The following C10orf90 variants were observed in gnomAD, a reference collection of about 807,000 sequenced individuals.
C10orf90 encodes (E2-independent) E3 ubiquitin-conjugating enzyme FATS.
C10orf90 carries 56 observed loss-of-function variants against 62.5 expected under a neutral mutation model. The observed-to-expected ratio is 0.90, with a 90% confidence interval of 0.72 to 1.12. C10orf90 has a LOEUF of 1.12. Among genes scored for constraint, C10orf90 ranks in the 50% most tolerant of loss-of-function variants. The pLI is 0.00. For missense variants in C10orf90, 970 were observed against 880.4 expected (o/e 1.10, Z -1.29); for synonymous variants, 386 against 340.4 (o/e 1.13, Z -1.47).
rs182189281 is a variant in C10orf90 at position 126,539,177 on chromosome 10, G to A, written c.314-25238C>T. Among the ~76,000 whole-genome samples the A allele has an allele frequency of 4.7e-3, 718 of 152,288 alleles. 5 individuals carry two copies. Among genetic ancestry groups the A allele is most frequent in the African/African-American group, 0.017 (698 of 41,562 alleles). Reference sequence around the variant, plus strand: ...AGTGGCAGATCAGGAGACTTCAGAAGGAATTTTTCACTTTTGGAATGCGCA... The same window carrying A: ...AGTGGCAGATCAGGAGACTTCAGAAAGAATTTTTCACTTTTGGAATGCGCA... On this transcript the variant is annotated intron_variant, in intron 2 of 9. Transcript: ENST00000488181.
chr10:126,530,238 C>A, intron 2 of C10orf90, among the ~76,000 whole-genome samples: 1 of 149,910 alleles, frequency 6.7e-6, no homozygotes, highest in Non-Finnish European at 1.5e-5. Context: ...AAAAGCAAAC[C>A]AAAATAAGAA....
intron 2 of C10orf90, among the ~76,000 whole-genome samples, chr10:126,582,647 G>A (rs1197721385): frequency 1.3e-5 from 2 of 152,068 alleles, no homozygotes; most frequent in East Asian, 1.9e-4. Flanking sequence ...ATGTAAATAC[G>A]AAAATGGATG....
intron 2 of C10orf90, among the ~76,000 whole-genome samples, chr10:126,598,316 G>C (rs1845126886): frequency 1.3e-5 from 2 of 152,292 alleles, no homozygotes; most frequent in South Asian, 4.1e-4. Context: ...CCTAAGCAAT[G>C]TGTTACAAAC....
chr10:126,566,266 C>T (rs1844386905), intron 2 of C10orf90, among the ~76,000 whole-genome samples: 1 of 152,126 alleles, frequency 6.6e-6, no homozygotes, highest in Non-Finnish European at 1.5e-5. Flanking sequence ...GACAGTAAGC[C>T]AACACGTGAT....
rs59981740 is a variant in C10orf90 at position 126,438,070 on chromosome 10, G to T, written c.2189-8220C>A. Among the ~76,000 whole-genome samples, 627 of 152,288 alleles carry T rather than the reference G, an allele frequency of 4.1e-3. 4 individuals are homozygous for T. The highest frequency in any genetic ancestry group is 0.015 in the African/African-American group (605 of 41,578). ...CTTTTTCCAGATGACTTTGTGCTGGGCACCAAGTGGCATTGTTACAGATGC... is the reference window on the plus strand; with the variant it reads ...CTTTTTCCAGATGACTTTGTGCTGGTCACCAAGTGGCATTGTTACAGATGC... On this transcript the variant is annotated intron_variant, in intron 7 of 9. Transcript: ENST00000488181.
At chr10:126,647,722 G>A (rs1227724603) in intron 1 of C10orf90, among the ~76,000 whole-genome samples, 1 of 152,204 alleles carries the variant, frequency 6.6e-6, no homozygotes, top group Non-Finnish European at 1.5e-5. Flanking sequence ...GAAAATTATT[G>A]AGACTTCACA....
rs372232875 is a variant in C10orf90 at position 126,544,318 on chromosome 10, C to T, written c.314-30379G>A. Reference sequence around the variant, plus strand: ...TATCTGCTGTACCCTTTGGGTCCTACCAAGCCCAGCATTACATGGGAGGTG... The same window carrying T: ...TATCTGCTGTACCCTTTGGGTCCTATCAAGCCCAGCATTACATGGGAGGTG... On this transcript the variant is annotated intron_variant, in intron 2 of 9. Coordinates refer to ENST00000488181, the MANE Select transcript of C10orf90 (RefSeq NM_001350921.2). Among the ~76,000 whole-genome samples, 12 of 152,274 alleles carry T rather than the reference C, an allele frequency of 7.9e-5. No homozygotes were observed. In the East Asian group the frequency reaches 2.1e-3, roughly 27 times the overall value.
intron 4 of C10orf90, among the ~76,000 whole-genome samples, chr10:126,470,899 G>T (rs1049395742): frequency 6.6e-6 from 1 of 152,022 alleles, no homozygotes; most frequent in South Asian, 2.1e-4. Context: ...TTCAACTTTT[G>T]TCTGCAGGTT....
chr10:126,455,428 T>A (rs1859486509), intron 7 of C10orf90, among the ~76,000 whole-genome samples: 1 of 152,162 alleles, frequency 6.6e-6, no homozygotes, highest in Non-Finnish European at 1.5e-5. Context: ...GGCAAACTCC[T>A]TTCATGGCAC....
chr10:126,443,886 T>C lies in C10orf90; in HGVS notation c.2189-14036A>G, dbSNP rs553063697. ...GGTTTAACATACACAAGTCAATAAA[T>C]ATAATACACCACCTAAACAGAATTA... On this transcript the variant is annotated intron_variant, in intron 7 of 9. Transcript: ENST00000488181. Among the ~76,000 whole-genome samples the C allele has an allele frequency of 2.6e-5, 4 of 152,152 alleles. No individual in the cohort carries two copies. The South Asian group carries it at 6.2e-4, about 24-fold the overall frequency.
intron 2 of C10orf90, among the ~76,000 whole-genome samples, chr10:126,642,395 G>A (rs964671239): frequency 3.3e-5 from 5 of 152,106 alleles, no homozygotes; most frequent in South Asian, 2.1e-4. Context: ...AGCCGGGCGT[G>A]GTGGCGGGCG....
At chr10:126,542,751 T>G (rs908385604) in intron 2 of C10orf90, among the ~76,000 whole-genome samples, 1 of 152,052 alleles carries the variant, frequency 6.6e-6, no homozygotes, top group Non-Finnish European at 1.5e-5. Flanking sequence ...TGTGGGAAGG[T>G]GGGTTCTTCC....
chr10:126,488,247 A>C (rs1861542903), intron 4 of C10orf90, among the ~76,000 whole-genome samples: 1 of 152,158 alleles, frequency 6.6e-6, no homozygotes, highest in African/African-American at 2.4e-5. Context: ...AGTAATCAGC[A>C]TCTTGCCCTA....
rs1859607801 is a variant in C10orf90 at position 126,456,729 on chromosome 10, G to A, written c.2188+2311C>T. ...ATGACTGCTGTCTTTATGAGAAAAG[G>A]AAATTTGAACATAGAGACACAGACG... On this transcript the variant is annotated intron_variant, in intron 7 of 9. Coordinates refer to ENST00000488181, the MANE Select transcript of C10orf90 (RefSeq NM_001350921.2). This position sits in a 1 kb window ranked among gnomAD's most constrained non-coding sequence, Gnocchi z 4.9. Among the ~76,000 whole-genome samples, 1 of 152,258 alleles carries A rather than the reference G, an allele frequency of 6.6e-6. No individual in the cohort carries two copies. Among genetic ancestry groups the A allele is most frequent in the African/African-American group, 2.4e-5 (1 of 41,558 alleles).
At chr10:126,596,234 T>C (rs1371448567) in intron 2 of C10orf90, among the ~76,000 whole-genome samples, 1 of 150,740 alleles carries the variant, frequency 6.6e-6, no homozygotes, top group Admixed American at 6.6e-5. Flanking sequence ...GCCCTGGAGG[T>C]CAAGGCTACA....
At chr10:126,572,165 T>G (rs1844519927) in intron 2 of C10orf90, among the ~76,000 whole-genome samples, 1 of 152,086 alleles carries the variant, frequency 6.6e-6, no homozygotes, top group African/African-American at 2.4e-5. Context: ...ATACAGGTCA[T>G]ACAGACCTCC....
chr10:126,576,505 AT>A (rs1300015376), intron 2 of C10orf90, among the ~76,000 whole-genome samples: 3 of 151,662 alleles, frequency 2.0e-5, no homozygotes, highest in Non-Finnish European at 4.4e-5. Flanking sequence ...TCGGAGAGCA[AT>A]ATGGAGGTTC....
At chr10:126,590,543 C>G (rs1198074989) in intron 2 of C10orf90, among the ~76,000 whole-genome samples, 1 of 152,150 alleles carries the variant, frequency 6.6e-6, no homozygotes, top group African/African-American at 2.4e-5. Context: ...TCACTCAAAA[C>G]CACACAACTG....
intron 2 of C10orf90, among the ~76,000 whole-genome samples, chr10:126,624,576 A>G (rs1845707419): frequency 1.3e-5 from 2 of 152,186 alleles, no homozygotes; most frequent in Admixed American, 1.3e-4. Flanking sequence ...GCTTCTGGGA[A>G]TGAAATAGTA....
Sources: gnomAD v4.1 joint callset for allele counts (sites outside exome capture counted in the v4.1 genomes callset) on GRCh38, gnomAD v4.1.1 for gene constraint, Gnocchi (gnomAD v3.1) non-coding constraint, MANE v1.5 for transcripts, NCBI Gene and HGNC (gene_info 2026-07-23, HGNC 2026-07-21) for gene names.